The following EXOC6B variants were observed in gnomAD, a reference collection of about 807,000 sequenced individuals.
EXOC6B encodes the protein exocyst complex component 6B.
In EXOC6B, 54 loss-of-function variants were observed where a neutral mutation model predicts 113.5. That is an observed-to-expected ratio of 0.48 (90% CI 0.38 to 0.60). The LOEUF is 0.60. EXOC6B is among the 20% of genes least tolerant of loss of function. EXOC6B has a pLI of 0.00. For missense variants in EXOC6B, 797 were observed against 977.5 expected, an observed-to-expected ratio of 0.82 and a Z score of 2.46; for synonymous variants, 357 against 339.0, an observed-to-expected ratio of 1.05 and a Z score of -0.58.
rs140504086 is a variant in EXOC6B at position 72,362,463 on chromosome 2, T to C, written c.2122+17266A>G. ...TAAAGGCATATACATAAAGAAATAA[T>C]TATAATTAATTATAATAAATAACAT... On this transcript the variant is annotated intron_variant, in intron 19 of 21. Transcript: ENST00000272427. 4.8e-3 allele frequency among the ~76,000 whole-genome samples: 731 copies of C among 152,180 alleles called. 9 individuals are homozygous for C. The highest frequency in any genetic ancestry group is 0.016 in the African/African-American group (672 of 41,554).
rs142322072 is a variant in EXOC6B, at chr2:72,177,225, T to G, written c.*2110A>C. ...CCTCCACCTTGTTCACTTTTTCCTG[T>G]ATAGCACAGTTCTTCCAAGGCAGAG... is the stretch of plus-strand genomic sequence containing the variant. On this transcript the variant is annotated 3_prime_UTR_variant, in exon 22 of 22. Transcript: ENST00000272427. 1 of 152,228 alleles carries G rather than the reference T, an allele frequency of 6.6e-6. No homozygotes were observed. The highest frequency in any genetic ancestry group is 1.5e-5 in the Non-Finnish European group (1 of 68,050). The allele number at this position is 152,228 out of a possible 1,614,324, so 9.4% of individuals were successfully genotyped here.
intron 1 of EXOC6B, among the ~76,000 whole-genome samples, chr2:72,769,536 G>T (rs1262821855): frequency 2.6e-5 from 4 of 152,278 alleles, no homozygotes; most frequent in South Asian, 2.1e-4. Flanking sequence ...GAAGGGCCAG[G>T]CCCAGTGGCT....
intron 18 of EXOC6B, among the ~76,000 whole-genome samples, chr2:72,427,160 G>A (rs948453049): frequency 5.9e-5 from 9 of 152,196 alleles, no homozygotes; most frequent in African/African-American, 9.6e-5. Flanking sequence ...CAGCCGCCCC[G>A]TGGCCACAGC....
chr2:72,401,568 TATATATATATATAC>T (rs1693240945), intron 18 of EXOC6B, among the ~76,000 whole-genome samples: 8 of 23,902 alleles, frequency 3.3e-4, no homozygotes, highest in Middle Eastern at 0.015. Context: ...TATATATACA[TATATATATATATAC>T]ATATATATAT....
At chr2:72,484,978 T>C (rs943542523) in intron 16 of EXOC6B, among the ~76,000 whole-genome samples, 1 of 152,226 alleles carries the variant, frequency 6.6e-6, no homozygotes, top group Non-Finnish European at 1.5e-5. Context: ...TTTGGGTATA[T>C]ACCCAGTAAT....
In EXOC6B at chr2:72,442,695, A is replaced by T. The variant is rs191071462; in HGVS notation, c.1980+22465T>A. On this transcript the variant is annotated intron_variant, in intron 18 of 21. Coordinates refer to ENST00000272427, the MANE Select transcript of EXOC6B (RefSeq NM_015189.3). ...ATACAGCTAAGTAGGGAGGTAAAAG[A>T]TCTCTGCAAGGAAAATTACAAACCA... Among the ~76,000 whole-genome samples, 3 of 152,340 alleles carry T rather than the reference A, an allele frequency of 2.0e-5. No individual in the cohort carries two copies. In the East Asian group the frequency reaches 5.8e-4, roughly 29 times the overall value.
intron 19 of EXOC6B, among the ~76,000 whole-genome samples, chr2:72,351,769 T>G (rs1187145905): frequency 2.0e-5 from 3 of 152,182 alleles, no homozygotes; most frequent in Non-Finnish European, 4.4e-5. Context: ...CTATAATTAT[T>G]TTTCCAAAGT....
At chr2:72,447,542 A>C (rs1300805601) in intron 18 of EXOC6B, among the ~76,000 whole-genome samples, 1 of 152,226 alleles carries the variant, frequency 6.6e-6, no homozygotes, top group Non-Finnish European at 1.5e-5. Context: ...TCATTTCTAA[A>C]TGCAGGGCCA....
intron 2 of EXOC6B, among the ~76,000 whole-genome samples, chr2:72,737,872 G>A (rs919808676): frequency 6.6e-6 from 1 of 151,892 alleles, no homozygotes. Context: ...GTTATTTTAC[G>A]GTAGCAAGTT....
chr2:72,278,997 C>T (rs565153005), intron 20 of EXOC6B, among the ~76,000 whole-genome samples: 94 of 152,100 alleles, frequency 6.2e-4, no homozygotes, highest in African/African-American at 2.1e-3. Context: ...CCAGGGTAAG[C>T]CTCAGGATAT....
rs187076426 is a variant in EXOC6B at position 72,657,658 on chromosome 2, G to A, written c.669+60445C>T. Among the ~76,000 whole-genome samples, 402 of 122,090 alleles carry A rather than the reference G, an allele frequency of 3.3e-3. 1 individual carries two copies. Among genetic ancestry groups the A allele is most frequent in the African/African-American group, 5.8e-3 (188 of 32,496 alleles). The allele number at this position is 122,090 out of a possible 152,430, so 80.1% of individuals were successfully genotyped here. A position where few individuals can be genotyped will look rare whatever the true frequency, so the allele number is the denominator to read the frequency against. On this transcript the variant is annotated intron_variant, in intron 6 of 21. Transcript: ENST00000272427. ...TAGGACAACTGAAACTCAAATAGCCGTCTTGGAACTGGAGGTAGTACTGAC... is the reference window on the plus strand; with the variant it reads ...TAGGACAACTGAAACTCAAATAGCCATCTTGGAACTGGAGGTAGTACTGAC...
chr2:72,208,052 C>T (rs1679941058), intron 20 of EXOC6B, among the ~76,000 whole-genome samples: 1 of 152,054 alleles, frequency 6.6e-6, no homozygotes, highest in South Asian at 2.1e-4. Context: ...TACAAAATAA[C>T]CAAAGGGATG....
At chr2:72,321,130 A>C (rs1166233569) in intron 20 of EXOC6B, among the ~76,000 whole-genome samples, 1 of 152,198 alleles carries the variant, frequency 6.6e-6, no homozygotes, top group Non-Finnish European at 1.5e-5. Context: ...TGCTGGTAGG[A>C]CTACAAAATG....
intron 18 of EXOC6B, among the ~76,000 whole-genome samples, chr2:72,382,634 C>G (rs781722181): frequency 2.4e-4 from 37 of 152,300 alleles, no homozygotes; most frequent in Middle Eastern, 3.4e-3. Flanking sequence ...GCCATTTTAA[C>G]TATATTACTT....
intron 17 of EXOC6B, among the ~76,000 whole-genome samples, chr2:72,469,778 G>A (rs1042278168): frequency 2.0e-5 from 3 of 152,006 alleles, no homozygotes; most frequent in Non-Finnish European, 4.4e-5. Flanking sequence ...GATGGTGTCA[G>A]TCATTTCAAC....
chr2:72,465,834 A>T (rs1172133797), intron 17 of EXOC6B, among the ~76,000 whole-genome samples: 1 of 152,138 alleles, frequency 6.6e-6, no homozygotes, highest in African/African-American at 2.4e-5. Context: ...AATACTCTCT[A>T]TTTAAAACTC....
chr2:72,461,345 A>C (rs1368066265), intron 18 of EXOC6B: 1 of 149,502 alleles, frequency 6.7e-6, no homozygotes. Context: ...GTACCCTAAA[A>C]CTTAAAGTAT....
chr2:72,544,100 AT>A (rs1369057834), intron 8 of EXOC6B, among the ~76,000 whole-genome samples: 1 of 152,226 alleles, frequency 6.6e-6, no homozygotes, highest in African/African-American at 2.4e-5. Flanking sequence ...GCAGATGAAT[AT>A]TTTGAGATGG....
intron 6 of EXOC6B, among the ~76,000 whole-genome samples, chr2:72,671,986 C>T (rs921050379): frequency 6.6e-6 from 1 of 151,634 alleles, no homozygotes; most frequent in Admixed American, 6.6e-5. Flanking sequence ...CAAATCAAAA[C>T]CACAATGATA....
Sources: gnomAD v4.1 joint callset for allele counts (sites outside exome capture counted in the v4.1 genomes callset) on GRCh38, gnomAD v4.1.1 for gene constraint, MANE v1.5 for transcripts, NCBI Gene and HGNC (gene_info 2026-07-23, HGNC 2026-07-21) for gene names.